The following BRD4 variants were observed in gnomAD, a reference collection of about 807,000 sequenced individuals.
BRD4 encodes bromodomain containing 4.
Under a neutral mutation model 142.1 loss-of-function variants are expected in BRD4, and 16 were observed. That is an observed-to-expected ratio of 0.11 (90% CI 0.08 to 0.17). BRD4 has a LOEUF of 0.17. Among genes scored for constraint, BRD4 ranks in the 10% least tolerant of loss-of-function variants. The pLI, the probability that BRD4 is intolerant of heterozygous loss-of-function variation, is 1.00. For synonymous variants in BRD4, 833 were observed against 707.5 expected, an observed-to-expected ratio of 1.18 and a Z score of -2.82; for missense variants, 1,424 against 1,810.9, an observed-to-expected ratio of 0.79 and a Z score of 3.88.
chr19:15,248,331 T>C (rs889616938), intron 11 of BRD4: 1 of 216,844 alleles, frequency 4.6e-6, no homozygotes, highest in African/African-American at 2.3e-5. Flanking sequence ...ATGTTCACAC[T>C]GTTAACACCA....
chr19:15,291,557 G>A (rs1450093641), intron 1 of BRD4, among the ~76,000 whole-genome samples: 2 of 152,120 alleles, frequency 1.3e-5, no homozygotes, highest in Admixed American at 6.5e-5. Flanking sequence ...CATTGCCTCC[G>A]TATTATGCAC....
At chr19:15,262,004 G>C (rs575636669) in intron 7 of BRD4, among the ~76,000 whole-genome samples, 4 of 152,326 alleles carry the variant, frequency 2.6e-5, no homozygotes, top group African/African-American at 9.6e-5. Flanking sequence ...CTTCACAAGG[G>C]AAGTGTTTAT....
chr19:15,258,113 A>G (rs1266427218), intron 7 of BRD4, among the ~76,000 whole-genome samples: 3 of 152,216 alleles, frequency 2.0e-5, no homozygotes, highest in South Asian at 2.1e-4. Flanking sequence ...AACCAGGAAT[A>G]AACTGATCAT....
In BRD4 at chr19:15,237,247, G is replaced by GGC; in HGVS notation, c.*1129_*1130insGC. On this transcript the variant is annotated 3_prime_UTR_variant, in exon 20 of 20. Coordinates refer to ENST00000679869, the MANE Select transcript of BRD4 (RefSeq NM_001379291.1). ...AAACAAAAAAGCCAACAAATGGGTG[G>GGC]GGGGGGGGGGGGTGGAGGGGAAAGA... The GGC allele has an allele frequency of 2.3e-5, 2 of 87,320 alleles. No individual in the cohort carries two copies. Among genetic ancestry groups the GGC allele is most frequent in the Non-Finnish European group, 4.6e-5 (2 of 43,614 alleles). The allele number at this position is 87,320 out of a possible 1,614,324, so 5.4% of individuals were successfully genotyped here.
intron 14 of BRD4, among the ~76,000 whole-genome samples, chr19:15,240,394 G>GC (rs1428863568): frequency 6.6e-6 from 1 of 152,178 alleles, no homozygotes; most frequent in African/African-American, 2.4e-5. Context: ...GCTTGGCAGG[G>GC]CCTGGGCCCT....
At chr19:15,327,705 A>G (rs2048121055) in intron 1 of BRD4, among the ~76,000 whole-genome samples, 1 of 152,104 alleles carries the variant, frequency 6.6e-6, no homozygotes. Flanking sequence ...ATAAAAAGGA[A>G]TGAAGTACTG....
intron 1 of BRD4, among the ~76,000 whole-genome samples, chr19:15,278,519 A>G (rs1167088124): frequency 6.7e-6 from 1 of 149,312 alleles, no homozygotes; most frequent in Non-Finnish European, 1.5e-5. Context: ...TGGGCAACAA[A>G]GCAAGACTCT....
chr19:15,239,327 G>C lies in BRD4; in HGVS notation c.3577-63C>G, dbSNP rs775025837. 7.4e-6 allele frequency: 12 copies of C among 1,614,074 alleles called. No individual in the cohort carries two copies. Among genetic ancestry groups the C allele is most frequent in the Non-Finnish European group, 1.0e-5 (12 of 1,180,028 alleles). ...CTGTGCCTAAAGGGCATAGCTGGGG[G>C]TGTGCCCAGCATGGCACCTTCCAGG... On this transcript the variant is annotated intron_variant, in intron 17 of 19. Transcript: ENST00000679869. The surrounding 1 kb of genome is among the most constrained non-coding windows in gnomAD (Gnocchi z 7.4).
chr19:15,267,589 T>C, intron 3 of BRD4, 38 bp from the exon 4 acceptor site: 7 of 1,601,008 alleles, frequency 4.4e-6, no homozygotes, highest in Middle Eastern at 1.7e-4. Flanking sequence ...CAGAGGGCCC[T>C]CCCCTCCCCA....
At position 15,273,631 on chromosome 19, in the gene BRD4, AG is replaced by A. The variant is rs372435421; in HGVS notation, c.-34-499del. Among the ~76,000 whole-genome samples, 102 of 152,338 alleles carry A rather than the reference AG, an allele frequency of 6.7e-4. 1 individual carries two copies. The highest frequency in any genetic ancestry group is 2.3e-3 in the African/African-American group (95 of 41,578). ...TTTGGTGGGCCAGGCAAGGAGAAGC[AG>A]GAAGGCTGGGTCTGCCCACCCATGG... On this transcript the variant is annotated intron_variant, in intron 1 of 19. Coordinates refer to ENST00000679869, the MANE Select transcript of BRD4 (RefSeq NM_001379291.1).
intron 1 of BRD4, among the ~76,000 whole-genome samples, chr19:15,288,019 C>T (rs1042873479): frequency 3.9e-5 from 6 of 152,166 alleles, no homozygotes; most frequent in Admixed American, 6.5e-5. Context: ...CTGCCCACCT[C>T]GGCCTCCCAA....
chr19:15,329,478 T>A (rs1224278123), intron 1 of BRD4, among the ~76,000 whole-genome samples: 1 of 152,182 alleles, frequency 6.6e-6, no homozygotes, highest in African/African-American at 2.4e-5. Flanking sequence ...CAGTGGCTCA[T>A]GCCTGTAAAC....
At chr19:15,286,208 C>T (rs759468805) in intron 1 of BRD4, among the ~76,000 whole-genome samples, 38 of 152,316 alleles carry the variant, frequency 2.5e-4, no homozygotes, top group Non-Finnish European at 4.1e-4. Flanking sequence ...GTCCAGTCCC[C>T]TCCACCCCGA....
chr19:15,263,645 T>C, intron 6 of BRD4, 97 bp from the exon 7 acceptor site: 1 of 1,504,146 alleles, frequency 6.6e-7, no homozygotes, highest in Non-Finnish European at 9.1e-7. Flanking sequence ...AAGAGCAAGT[T>C]GGTTTCTTGG....
chr19:15,248,323 G>A (rs528915151), intron 11 of BRD4: 82 of 216,452 alleles, frequency 3.8e-4, no homozygotes, highest in Non-Finnish European at 7.1e-4. Context: ...CGGGGAAAAT[G>A]TTCACACTGT....
chr19:15,238,262 G>T lies in BRD4; in HGVS notation c.*115C>A. On this transcript the variant is annotated 3_prime_UTR_variant, in exon 20 of 20. Coordinates refer to ENST00000679869, the MANE Select transcript of BRD4 (RefSeq NM_001379291.1). This position sits in a 1 kb window ranked among gnomAD's most constrained non-coding sequence, Gnocchi z 7.2. Reference sequence around the variant, plus strand: ...CCTGCCCCGGGCATAGCATGCAGGAGGGCCAGGCCCTGAGGCATCCCCTGG... The same window carrying T: ...CCTGCCCCGGGCATAGCATGCAGGATGGCCAGGCCCTGAGGCATCCCCTGG... The T allele has an allele frequency of 6.6e-7, 1 of 1,520,270 alleles. No individual in the cohort carries two copies. Among genetic ancestry groups the T allele is most frequent in the African/African-American group, 1.4e-5 (1 of 72,564 alleles). 94.2% of individuals were successfully genotyped at this position (1,520,270 alleles called of 1,614,324 possible).
intron 2 of BRD4, among the ~76,000 whole-genome samples, chr19:15,271,704 T>G (rs1425220732): frequency 1.3e-5 from 2 of 152,218 alleles, no homozygotes; most frequent in South Asian, 2.1e-4. Context: ...CTCCTCATCT[T>G]GGTCAATGGA....
intron 3 of BRD4, among the ~76,000 whole-genome samples, chr19:15,268,666 C>A (rs1456592474): frequency 1.3e-5 from 2 of 152,164 alleles, no homozygotes; most frequent in Non-Finnish European, 2.9e-5. Flanking sequence ...ATGCTTCAGG[C>A]TAACAAGGAC....
chr19:15,254,286 G>C, intron 10 of BRD4, 24 bp from the exon 11 acceptor site: 1 of 1,598,678 alleles, frequency 6.3e-7, no homozygotes, highest in Non-Finnish European at 8.6e-7. Flanking sequence ...AATGGGAGCT[G>C]GTCAGGCAGG....
Sources: allele counts gnomAD v4.1 joint callset (sites outside exome capture counted in the v4.1 genomes callset), GRCh38; gene constraint gnomAD v4.1.1; non-coding constraint Gnocchi (gnomAD v3.1); transcripts MANE v1.5; gene names NCBI Gene and HGNC (gene_info 2026-07-23, HGNC 2026-07-21).